The following GRID2 variants were observed in gnomAD, a reference collection of about 807,000 sequenced individuals.
The protein encoded by GRID2 is glutamate receptor ionotropic, delta-2.
GRID2 carries 33 observed loss-of-function variants against 114.8 expected under a neutral mutation model. The observed-to-expected ratio is 0.29, with a 90% CI of 0.22 to 0.38. The LOEUF (loss-of-function observed/expected upper bound fraction) is 0.38. Among genes scored for constraint, GRID2 ranks in the 10% least tolerant of loss-of-function variants. The probability of loss-of-function intolerance (pLI) is 1.00; values close to 1 mark genes in which losing one functional copy is unlikely to be tolerated. For missense variants in GRID2, 1,184 were observed against 1,257.7 expected, an observed-to-expected ratio of 0.94 and a Z score of 0.89; for synonymous variants, 505 against 449.9, an observed-to-expected ratio of 1.12 and a Z score of -1.55.
chr4:92,825,493 A>G (rs2149392344), intron 2 of GRID2, among the ~76,000 whole-genome samples: 1 of 152,282 alleles, frequency 6.6e-6, no homozygotes, highest in East Asian at 1.9e-4. Flanking sequence ...CAAATGCCAT[A>G]AACAGAACAC....
chr4:92,695,883 T>C (rs1734402696), intron 2 of GRID2, among the ~76,000 whole-genome samples: 1 of 152,204 alleles, frequency 6.6e-6, no homozygotes, highest in Admixed American at 6.5e-5. Flanking sequence ...GTAAGTTTGA[T>C]AAGCCTTACT....
At chr4:92,624,945 G>A (rs369060683) in intron 2 of GRID2, among the ~76,000 whole-genome samples, 19 of 151,754 alleles carry the variant, frequency 1.3e-4, no homozygotes, top group African/African-American at 4.3e-4. Flanking sequence ...TTACTTTATC[G>A]CCTTAATAGT....
chr4:92,562,124 T>C (rs1727129550), intron 1 of GRID2, among the ~76,000 whole-genome samples: 1 of 152,174 alleles, frequency 6.6e-6, no homozygotes, highest in South Asian at 2.1e-4. Context: ...TTTCTTACAA[T>C]TAGTCTAATG....
Position 92,442,708 on chromosome 4 carries a change from C to T in GRID2, c.88+137964C>T, listed in dbSNP as rs1365746290. ...AGATGGCCTTTTGACCTTTTAGGGT[C>T]TAGGGCTGTAAAGTGTCTCGGTTGC... On this transcript the variant is annotated intron_variant, in intron 1 of 15. Transcript: ENST00000282020. Among the ~76,000 whole-genome samples, 9 of 151,908 alleles carry T rather than the reference C, an allele frequency of 5.9e-5. No individual in the cohort carries two copies. In the East Asian group the frequency reaches 1.7e-3, roughly 29 times the overall value.
chr4:92,685,834 C>T (rs754065341), intron 2 of GRID2, among the ~76,000 whole-genome samples: 3 of 152,024 alleles, frequency 2.0e-5, no homozygotes, highest in Non-Finnish European at 4.4e-5. Flanking sequence ...CTCTATTCAA[C>T]ACATTTTTGA....
intron 2 of GRID2, among the ~76,000 whole-genome samples, chr4:92,788,334 T>TA (rs1739415919): frequency 6.6e-6 from 1 of 151,850 alleles, no homozygotes. Context: ...GAGCAGGTGT[T>TA]ATAGAGTAAT....
chr4:92,522,609 G>T (rs932238054), intron 1 of GRID2, among the ~76,000 whole-genome samples: 13 of 151,952 alleles, frequency 8.6e-5, no homozygotes, highest in African/African-American at 2.7e-4. Context: ...GCTGCTAGTA[G>T]TGGAAGTGGT....
Position 93,455,691 on chromosome 4 carries a change from CATCACTCCAG to C in GRID2, c.1579_1588del (p.Thr527ValfsTer58). 1.9e-6 allele frequency: 3 copies of C among 1,612,276 alleles called. No individual in the cohort carries two copies. Among genetic ancestry groups the C allele is most frequent in the Non-Finnish European group, 2.5e-6 (3 of 1,178,418 alleles). On this transcript the variant is annotated frameshift_variant, in exon 11 of 16. Coordinates refer to ENST00000282020, the MANE Select transcript of GRID2 (RefSeq NM_001510.4). LOFTEE classifies it high-confidence loss of function. The stretch of plus-strand genomic sequence containing the variant: ...CCGACATAGGGATTTCTGCTTTAAC[CATCACTCCAG>C]ATCGTGAAAATGTGGTGGACTTTAC...
chr4:93,134,285 T>C (rs548950971), intron 4 of GRID2, among the ~76,000 whole-genome samples: 89 of 152,312 alleles, frequency 5.8e-4, no homozygotes, highest in African/African-American at 1.8e-3. Context: ...AAGTTAGTCA[T>C]ATTTCAGTAT....
chr4:92,797,870 A>G (rs1455208717), intron 2 of GRID2, among the ~76,000 whole-genome samples: 1 of 152,078 alleles, frequency 6.6e-6, no homozygotes, highest in South Asian at 2.1e-4. Context: ...GCAAAACTAC[A>G]CTAATCACCT....
intron 1 of GRID2, among the ~76,000 whole-genome samples, chr4:92,522,396 C>A (rs1724833453): frequency 6.6e-6 from 1 of 151,930 alleles, no homozygotes. Flanking sequence ...TGACAACTTA[C>A]ACATTTACTC....
At chr4:92,621,872 T>C (rs1018045318) in intron 2 of GRID2, among the ~76,000 whole-genome samples, 1 of 151,680 alleles carries the variant, frequency 6.6e-6, no homozygotes, top group Non-Finnish European at 1.5e-5. Flanking sequence ...TGGTGAAACA[T>C]GAAACACACA....
intron 1 of GRID2, among the ~76,000 whole-genome samples, chr4:92,348,658 A>G (rs1328100495): frequency 2.0e-5 from 3 of 152,222 alleles, no homozygotes; most frequent in African/African-American, 7.2e-5. Context: ...CAGTTCATTC[A>G]TAATGCATTG....
chr4:92,305,050 G>T (rs533103778), intron 1 of GRID2, among the ~76,000 whole-genome samples: 6 of 152,088 alleles, frequency 3.9e-5, no homozygotes, highest in Non-Finnish European at 7.3e-5. Flanking sequence ...AAGTGTGTGG[G>T]GAAAGGGAGT....
Position 92,461,931 on chromosome 4 carries a change from A to T in GRID2, c.89-128200A>T, listed in dbSNP as rs531501110. ...GGCTTTTAAAATCATACCACCAATT[A>T]TTCCTGAGATGTTGTATTACGTCTT... On this transcript the variant is annotated intron_variant, in intron 1 of 15. Coordinates refer to ENST00000282020, the MANE Select transcript of GRID2 (RefSeq NM_001510.4). Among the ~76,000 whole-genome samples the T allele has an allele frequency of 4.6e-5, 7 of 152,092 alleles. No homozygotes were observed. In the South Asian group the frequency reaches 8.3e-4, roughly 18 times the overall value.
At chr4:92,858,600 C>T (rs1268930049) in intron 2 of GRID2, among the ~76,000 whole-genome samples, 1 of 152,138 alleles carries the variant, frequency 6.6e-6, no homozygotes, top group South Asian at 2.1e-4. Flanking sequence ...CACTTTCGCC[C>T]AGGCTGGAGT....
In GRID2 at chr4:92,442,405, C is replaced by A. The variant is rs191611835; in HGVS notation, c.88+137661C>A. On this transcript the variant is annotated intron_variant, in intron 1 of 15. Transcript: ENST00000282020. Reference sequence around the variant, plus strand: ...CTGCGGGCATTCCTTGGCCCGGTGGCCAGATTTCCGGCAAGTGTAGCAAGC... The same window carrying A: ...CTGCGGGCATTCCTTGGCCCGGTGGACAGATTTCCGGCAAGTGTAGCAAGC... Among the ~76,000 whole-genome samples the A allele has an allele frequency of 6.3e-3, 955 of 152,032 alleles. 10 individuals are homozygous for A. Among genetic ancestry groups the A allele is most frequent in the African/African-American group, 0.022 (898 of 41,452 alleles).
intron 14 of GRID2, among the ~76,000 whole-genome samples, chr4:93,761,610 G>C (rs73839682): frequency 0.018 from 2,677 of 152,194 alleles, 73 homozygotes; most frequent in African/African-American, 0.061. Flanking sequence ...GAATTTATTT[G>C]AAATACCATG....
intron 2 of GRID2, among the ~76,000 whole-genome samples, chr4:92,824,105 G>T (rs950835777): frequency 1.3e-5 from 2 of 152,166 alleles, no homozygotes; most frequent in Admixed American, 1.3e-4. Flanking sequence ...GCTAGATAAT[G>T]AAGGTTAGGC....
Sources: gnomAD v4.1 joint callset for allele counts (sites outside exome capture counted in the v4.1 genomes callset) on GRCh38, gnomAD v4.1.1 for gene constraint, MANE v1.5 for transcripts, NCBI Gene and HGNC (gene_info 2026-07-23, HGNC 2026-07-21) for gene names.